MCU: variants seen among roughly 807,000 people sequenced by gnomAD.
MCU encodes the protein calcium uniporter protein, mitochondrial.
In MCU, 12 loss-of-function variants were observed where a neutral mutation model predicts 45.2. The observed-to-expected ratio is 0.27, with a 90% CI of 0.17 to 0.43. The LOEUF (loss-of-function observed/expected upper bound fraction) is 0.43. Among genes scored for constraint, MCU ranks in the 20% least tolerant of loss-of-function variants. The pLI is 1.00. For synonymous variants in MCU, 160 were observed against 165.1 expected, an observed-to-expected ratio of 0.97 and a Z score of 0.24; for missense variants, 324 against 436.7, an observed-to-expected ratio of 0.74 and a Z score of 2.30.
intron 1 of MCU, among the ~76,000 whole-genome samples, chr10:72,754,353 T>C (rs115059498): frequency 1.9e-3 from 282 of 152,350 alleles, no homozygotes; most frequent in African/African-American, 6.5e-3. Context: ...TTCTGTTTAA[T>C]AGCATGCTGC....
At chr10:72,853,853 AAAAATT>A (rs1248824795) in intron 2 of MCU, among the ~76,000 whole-genome samples, 1 of 152,000 alleles carries the variant, frequency 6.6e-6, no homozygotes, top group East Asian at 1.9e-4. Context: ...AATAAAAATT[AAAAATT>A]AAAATTAAAA....
chr10:72,757,963 A>G (rs567809890), intron 1 of MCU, among the ~76,000 whole-genome samples: 1 of 152,354 alleles, frequency 6.6e-6, no homozygotes, highest in East Asian at 1.9e-4. Context: ...ACAAAGAGCA[A>G]TGAATTTTCC....
intron 2 of MCU, among the ~76,000 whole-genome samples, chr10:72,835,758 C>A (rs1844947271): frequency 6.6e-6 from 1 of 152,122 alleles, no homozygotes; most frequent in Non-Finnish European, 1.5e-5. Context: ...TTTCCAGTCT[C>A]TTAAAGACAA....
intron 2 of MCU, among the ~76,000 whole-genome samples, chr10:72,852,883 T>C (rs921236929): frequency 6.6e-6 from 1 of 152,188 alleles, no homozygotes; most frequent in Non-Finnish European, 1.5e-5. Context: ...ATGAATAATT[T>C]TGCTTCCCTC....
At chr10:72,788,047 G>A (rs905540460) in intron 1 of MCU, among the ~76,000 whole-genome samples, 2 of 152,172 alleles carry the variant, frequency 1.3e-5, no homozygotes, top group Non-Finnish European at 2.9e-5. Context: ...ACAATATCTC[G>A]TGGTGCTGTG....
intron 6 of MCU, among the ~76,000 whole-genome samples, chr10:72,876,426 C>G (rs914584475): frequency 6.6e-6 from 1 of 152,156 alleles, no homozygotes; most frequent in Non-Finnish European, 1.5e-5. Flanking sequence ...TTGTCTTTTA[C>G]AGTATGTACT....
At chr10:72,790,356 C>T (rs1844140501) in intron 1 of MCU, among the ~76,000 whole-genome samples, 1 of 152,168 alleles carries the variant, frequency 6.6e-6, no homozygotes, top group Non-Finnish European at 1.5e-5. Flanking sequence ...TTCCCTCTTC[C>T]TTCTTCCACA....
intron 1 of MCU, among the ~76,000 whole-genome samples, chr10:72,706,567 C>G (rs1482849044): frequency 6.7e-6 from 1 of 150,024 alleles, no homozygotes; most frequent in African/African-American, 2.5e-5. Flanking sequence ...GAGACGGAGT[C>G]TCGCTCTGTC....
At chr10:72,773,357 CTG>C (rs1477922639) in intron 1 of MCU, among the ~76,000 whole-genome samples, 1 of 137,440 alleles carries the variant, frequency 7.3e-6, no homozygotes, top group African/African-American at 3.6e-5. Flanking sequence ...TGAAAAAACT[CTG>C]TGGAGGCTCT....
chr10:72,760,639 T>G (rs896440542), intron 1 of MCU: 8 of 152,076 alleles, frequency 5.3e-5, no homozygotes, highest in African/African-American at 1.9e-4. Context: ...AAGCAATCCT[T>G]CTTTCTCAGC....
At chr10:72,810,794 C>T (rs2132800222) in intron 1 of MCU, among the ~76,000 whole-genome samples, 1 of 152,216 alleles carries the variant, frequency 6.6e-6, no homozygotes. Context: ...TGCGCCTGGT[C>T]TGTGTTGCCT....
At chr10:72,694,465 A>G (rs1298732361) in intron 1 of MCU, among the ~76,000 whole-genome samples, 1 of 152,224 alleles carries the variant, frequency 6.6e-6, no homozygotes, top group Non-Finnish European at 1.5e-5. Context: ...CTCCTCCCTT[A>G]TAAAATTTAC....
At chr10:72,804,610 A>G (rs1392092554) in intron 1 of MCU, among the ~76,000 whole-genome samples, 1 of 152,166 alleles carries the variant, frequency 6.6e-6, no homozygotes, top group Non-Finnish European at 1.5e-5. Flanking sequence ...AGTTGATTGA[A>G]ATTTGTTTTT....
intron 1 of MCU, among the ~76,000 whole-genome samples, chr10:72,746,259 G>A (rs750914388): frequency 6.6e-6 from 1 of 152,110 alleles, no homozygotes; most frequent in African/African-American, 2.4e-5. Context: ...AAAAGAAAAG[G>A]CCTCCATAAA....
chr10:72,887,274 C>T lies in MCU; in HGVS notation c.*1452C>T, dbSNP rs1845789265. ...AATGACAAACCCAGACTCCAGGTGC[C>T]TTGCAAAGGTTGAAGGCCAGCCAGG... is the stretch of plus-strand genomic sequence containing the variant. On this transcript the variant is annotated 3_prime_UTR_variant, in exon 8 of 8. Transcript: ENST00000373053. 1 of 152,692 alleles carries T rather than the reference C, an allele frequency of 6.5e-6. No individual in the cohort carries two copies. Among genetic ancestry groups the T allele is most frequent in the South Asian group, 2.1e-4 (1 of 4,824 alleles). 9.5% of individuals were successfully genotyped at this position (152,692 alleles called of 1,614,324 possible).
chr10:72,727,189 G>C (rs1041127439), intron 1 of MCU, among the ~76,000 whole-genome samples: 24 of 152,302 alleles, frequency 1.6e-4, no homozygotes, highest in East Asian at 7.7e-4. Context: ...AGTGCTCAGA[G>C]AGGGAATGCT....
chr10:72,820,263 T>C (rs1250199122), intron 1 of MCU, among the ~76,000 whole-genome samples: 1 of 152,212 alleles, frequency 6.6e-6, no homozygotes, highest in East Asian at 1.9e-4. Flanking sequence ...CCGGGTACCA[T>C]AGGAACTATT....
At chr10:72,838,372 G>C (rs1370125995) in intron 2 of MCU, among the ~76,000 whole-genome samples, 1 of 152,128 alleles carries the variant, frequency 6.6e-6, no homozygotes, top group Non-Finnish European at 1.5e-5. Context: ...CCAGCACTTT[G>C]GGAGGCCAAG....
chr10:72,759,319 T>A (rs1254007371), intron 1 of MCU, among the ~76,000 whole-genome samples: 2 of 151,984 alleles, frequency 1.3e-5, no homozygotes, highest in Non-Finnish European at 2.9e-5. Context: ...GGTAATTAGA[T>A]CGGAACAAAA....
Sources: gnomAD v4.1 joint callset for allele counts (sites outside exome capture counted in the v4.1 genomes callset) on GRCh38, gnomAD v4.1.1 for gene constraint, MANE v1.5 for transcripts, NCBI Gene and HGNC (gene_info 2026-07-23, HGNC 2026-07-21) for gene names.